The following SCEL variants were observed in gnomAD, a reference collection of about 807,000 sequenced individuals.
The protein encoded by SCEL is sciellin.
SCEL carries 113 observed loss-of-function variants against 117.6 expected under a neutral mutation model. The observed-to-expected ratio is 0.96, with a 90% CI of 0.83 to 1.12. SCEL has a LOEUF of 1.12. Among genes scored for constraint, SCEL ranks in the 50% most tolerant of loss-of-function variants. The pLI is 0.00. For synonymous variants in SCEL, 270 were observed against 256.2 expected (o/e 1.05, Z -0.51); for missense variants, 785 against 810.8 (o/e 0.97, Z 0.39).
intron 27 of SCEL, among the ~76,000 whole-genome samples, chr13:77,625,052 G>A (rs7331378): frequency 0.89 from 135,033 of 152,208 alleles, 60,224 homozygotes; most frequent in South Asian, 0.96. Context: ...CAGTTCCTCT[G>A]GCATTAGCAC....
chr13:77,637,378 A>G (rs1317790408), intron 30 of SCEL, among the ~76,000 whole-genome samples, 184 bp downstream of exon 30: 1 of 137,872 alleles, frequency 7.3e-6, no homozygotes, highest in Non-Finnish European at 1.5e-5. Flanking sequence ...ATATAAACAT[A>G]TATACATATA....
intron 9 of SCEL, among the ~76,000 whole-genome samples, chr13:77,583,115 A>G (rs1250405510): frequency 2.6e-5 from 4 of 152,238 alleles, no homozygotes; most frequent in Non-Finnish European, 5.9e-5. Flanking sequence ...TAAAAAGCAC[A>G]GTACATGAAC....
At chr13:77,565,911 G>A (rs1449049754) in intron 5 of SCEL, among the ~76,000 whole-genome samples, 7 of 152,170 alleles carry the variant, frequency 4.6e-5, no homozygotes, top group Admixed American at 2.6e-4. Flanking sequence ...TTCTGATCAT[G>A]CTGCTAATTA....
At chr13:77,621,532 G>A (rs2089422508) in intron 27 of SCEL, among the ~76,000 whole-genome samples, 1 of 152,128 alleles carries the variant, frequency 6.6e-6, no homozygotes, top group Non-Finnish European at 1.5e-5. Context: ...TGTCTTTTCT[G>A]GCCCATAACA....
intron 13 of SCEL, 71 bp from the exon 14 acceptor site, chr13:77,599,258 T>C: frequency 9.4e-7 from 1 of 1,067,572 alleles, no homozygotes; most frequent in Non-Finnish European, 1.4e-6. Context: ...TGTAAACTGG[T>C]CTATGTTCTT....
chr13:77,598,493 G>A (rs893690573), intron 13 of SCEL, among the ~76,000 whole-genome samples: 10 of 152,208 alleles, frequency 6.6e-5, no homozygotes, highest in Non-Finnish European at 1.0e-4. Context: ...TCCACGGCCC[G>A]CTGAGACCAG....
chr13:77,612,815 T>G, intron 22 of SCEL, 76 bp from the exon 23 acceptor site: 3 of 805,250 alleles, frequency 3.7e-6, no homozygotes, highest in Non-Finnish European at 5.8e-6. Context: ...GTCATTTGAT[T>G]AATATTAAGG....
chr13:77,642,692 AT>A lies in SCEL; in HGVS notation c.1948-7del, dbSNP rs1316607451. 1.4e-6 allele frequency: 2 copies of A among 1,458,014 alleles called. No individual in the cohort carries two copies. The highest frequency in any genetic ancestry group is 1.9e-6 in the Non-Finnish European group (2 of 1,052,178). The allele number at this position is 1,458,014 out of a possible 1,614,324, so 90.3% of individuals were successfully genotyped here. On this transcript the variant is annotated splice_polypyrimidine_tract_variant and intron_variant, in intron 31 of 32. Transcript: ENST00000349847. ...TTTACAATGGAAACTTTATATATGT[AT>A]TTTTTTCTTTAGTGTGAAATATGCA... is the stretch of plus-strand genomic sequence containing the variant.
Position 77,640,670 on chromosome 13 carries a change from C to T in SCEL, c.1839-6C>T, listed in dbSNP as rs1379536099. 6 of 1,503,726 alleles carry T rather than the reference C, an allele frequency of 4.0e-6. No individual in the cohort carries two copies. The highest frequency in any genetic ancestry group is 5.5e-6 in the Non-Finnish European group (6 of 1,094,456). 93.1% of individuals were successfully genotyped at this position (1,503,726 alleles called of 1,614,324 possible). On this transcript the variant is annotated splice_polypyrimidine_tract_variant and splice_region_variant and intron_variant, in intron 30 of 32. Coordinates refer to ENST00000349847, the MANE Select transcript of SCEL (RefSeq NM_144777.3). Reference sequence around the variant, plus strand: ...AATTTATTTTTAATTGCTTACATTTCTATAGGTCTGTCATTGAAAGAGATA... The same window carrying T: ...AATTTATTTTTAATTGCTTACATTTTTATAGGTCTGTCATTGAAAGAGATA...
chr13:77,619,903 T>C (rs2089316235), intron 27 of SCEL, among the ~76,000 whole-genome samples: 1 of 152,162 alleles, frequency 6.6e-6, no homozygotes. Context: ...CCTCTGACAA[T>C]TGTGCTTTGT....
chr13:77,621,098 T>G (rs1787384198), intron 27 of SCEL, among the ~76,000 whole-genome samples: 1 of 152,156 alleles, frequency 6.6e-6, no homozygotes, highest in Admixed American at 6.6e-5. Flanking sequence ...CAGATTATTG[T>G]TCAGCCTCCT....
At chr13:77,604,608 C>A (rs2087986062) in intron 19 of SCEL, among the ~76,000 whole-genome samples, 193 bp downstream of exon 19, 1 of 152,132 alleles carries the variant, frequency 6.6e-6, no homozygotes, top group Non-Finnish European at 1.5e-5. Flanking sequence ...TATTCTTGGG[C>A]AAAGTTTGTT....
intron 31 of SCEL, among the ~76,000 whole-genome samples, chr13:77,642,302 T>C (rs1049992517): frequency 6.6e-6 from 1 of 152,172 alleles, no homozygotes; most frequent in African/African-American, 2.4e-5. Flanking sequence ...TGCTTTAAGG[T>C]CAGCCAATCA....
intron 27 of SCEL, among the ~76,000 whole-genome samples, chr13:77,626,074 A>G (rs531430907): frequency 6.6e-6 from 1 of 152,322 alleles, no homozygotes; most frequent in African/African-American, 2.4e-5. Context: ...GGTAATTTAT[A>G]AATAAAAAGA....
chr13:77,604,375 C>T lies in SCEL; in HGVS notation c.1117C>T (p.Leu373Phe). 2 of 1,574,968 alleles carry T rather than the reference C, an allele frequency of 1.3e-6. No individual in the cohort carries two copies. Among genetic ancestry groups the T allele is most frequent in the Non-Finnish European group, 1.7e-6 (2 of 1,167,712 alleles). ...NTTGKKDLDG[L>F]IKVDPETNKN... is the part of the protein sequence containing the mutation. Reference sequence around the variant, plus strand: ...TCAAAGAAAAAAAGACCTTGATGGGCTTATTAAAGTGGATCCTGAAACAAA... The same window carrying T: ...TCAAAGAAAAAAAGACCTTGATGGGTTTATTAAAGTGGATCCTGAAACAAA... The change falls in exon 19 of 33, where the codon CTT becomes TTT. Residue 373 changes from leucine (L) to phenylalanine (F), a missense_variant. Physicochemically the swap from Leu to Phe is conservative, Grantham distance 22. Coordinates refer to ENST00000349847, the MANE Select transcript of SCEL (RefSeq NM_144777.3).
At chr13:77,621,183 G>A (rs921981176) in intron 27 of SCEL, among the ~76,000 whole-genome samples, 1 of 152,068 alleles carries the variant, frequency 6.6e-6, no homozygotes, top group African/African-American at 2.4e-5. Flanking sequence ...ATTTTCCCAA[G>A]ACACAAATCT....
At chr13:77,561,608 C>T (rs1192230109) in intron 4 of SCEL, among the ~76,000 whole-genome samples, 1 of 152,206 alleles carries the variant, frequency 6.6e-6, no homozygotes, top group Admixed American at 6.5e-5. Context: ...CTGCTATGTG[C>T]CAGCATTGTG....
chr13:77,592,506 C>A (rs757484704), intron 11 of SCEL, among the ~76,000 whole-genome samples: 1 of 151,934 alleles, frequency 6.6e-6, no homozygotes, highest in Non-Finnish European at 1.5e-5. Context: ...CTTCATGGAA[C>A]CTTATTAACC....
chr13:77,576,982 A>G (rs932896147), intron 9 of SCEL, among the ~76,000 whole-genome samples: 2 of 152,090 alleles, frequency 1.3e-5, no homozygotes, highest in African/African-American at 4.8e-5. Context: ...TCACACATTG[A>G]TTTTGTATCC....
Sources: gnomAD v4.1 joint callset for allele counts (sites outside exome capture counted in the v4.1 genomes callset) on GRCh38, gnomAD v4.1.1 for gene constraint, MANE v1.5 for transcripts, NCBI Gene and HGNC (gene_info 2026-07-23, HGNC 2026-07-21) for gene names.